The following UBTF variants were observed in gnomAD, a reference collection of about 807,000 sequenced individuals.
The protein encoded by UBTF is upstream binding transcription factor.
A neutral mutation model predicts 112.3 loss-of-function variants in UBTF; 8 were observed. That is an observed-to-expected ratio of 0.07 (90% CI 0.04 to 0.13). The LOEUF (loss-of-function observed/expected upper bound fraction) is 0.13. Ranked by LOEUF, UBTF falls within the 10% of genes least tolerant of loss-of-function variation. The probability of loss-of-function intolerance (pLI) is 1.00; values close to 1 mark genes in which losing one functional copy is unlikely to be tolerated. For synonymous variants in UBTF, 417 were observed against 373.1 expected, an observed-to-expected ratio of 1.12 and a Z score of -1.36; for missense variants, 457 against 982.1, an observed-to-expected ratio of 0.47 and a Z score of 7.15.
At chr17:44,209,840 G>T in intron 15 of UBTF, 107 bp from the exon 16 acceptor site, 1 of 1,234,154 alleles carries the variant, frequency 8.1e-7, no homozygotes, top group South Asian at 1.3e-5. Context: ...TCTGTGCCAG[G>T]GAGGAGGAGA....
At position 44,206,552 on chromosome 17, in the gene UBTF, C is replaced by G. The variant is rs926059169; in HGVS notation, c.*690G>C. On this transcript the variant is annotated 3_prime_UTR_variant, in exon 21 of 21. Transcript: ENST00000436088. ...AAAGGTTCCAAATCTACCCCTAAAC[C>G]CTCCCTCTCCCAGAAATGACAACAG... 6.7e-6 allele frequency: 1 copy of G among 149,760 alleles called. No individual in the cohort carries two copies. Among genetic ancestry groups the G allele is most frequent in the African/African-American group, 2.5e-5 (1 of 40,168 alleles). 9.3% of individuals were successfully genotyped at this position (149,760 alleles called of 1,614,324 possible). A position where few individuals can be genotyped will look rare whatever the true frequency, so the allele number is the denominator to read the frequency against.
intron 17 of UBTF, chr17:44,209,115 GC>G: frequency 3.2e-6 from 1 of 311,048 alleles, no homozygotes; most frequent in Non-Finnish European, 5.6e-6. Context: ...GTTGCAGTGA[GC>G]CGAGACTACA....
intron 7 of UBTF, among the ~76,000 whole-genome samples, 172 bp downstream of exon 7, chr17:44,212,639 ACACGCACG>A (rs965802607): frequency 6.6e-6 from 1 of 151,864 alleles, no homozygotes; most frequent in Non-Finnish European, 1.5e-5. Flanking sequence ...ACTGGCTCAT[ACACGCACG>A]CACACACGCA....
upstream of UBTF, among the ~76,000 whole-genome samples, chr17:44,219,907 C>G (rs1174286627): frequency 2.0e-5 from 3 of 151,424 alleles, no homozygotes; most frequent in South Asian, 2.1e-4. Context: ...GCCTCGCCGG[C>G]TCCGCTCCCT....
rs756119876 is a variant in UBTF, at chr17:44,211,023, C to A, written c.1203+16G>T. 1 of 1,606,678 alleles carries A rather than the reference C, an allele frequency of 6.2e-7. No individual in the cohort carries two copies. The highest frequency in any genetic ancestry group is 2.2e-5 in the East Asian group (1 of 44,836). ...TCTTGCCCACCCCCGCCTGCGCGGC[C>A]GCACCCTCTGCCCACCTTGCCCCCT... On this transcript the variant is annotated intron_variant, in intron 12 of 20. Transcript: ENST00000436088. This position sits in a 1 kb window ranked among gnomAD's most constrained non-coding sequence, Gnocchi z 4.9.
At chr17:44,207,631 G>GTC (rs778586490) in intron 19 of UBTF, 34 bp from the exon 20 acceptor site, 2 of 1,613,950 alleles carry the variant, frequency 1.2e-6, no homozygotes, top group Non-Finnish European at 8.5e-7. Flanking sequence ...GTGGTCTCTG[G>GTC]TCTCTGCCCA....
At chr17:44,208,360 C>T (rs2056413909) in intron 17 of UBTF, among the ~76,000 whole-genome samples, 1 of 152,194 alleles carries the variant, frequency 6.6e-6, no homozygotes, top group Non-Finnish European at 1.5e-5. Context: ...ATACCTTGGG[C>T]TCCCAAAGTG....
At chr17:44,219,180 C>T (rs1483018338) in intron 1 of UBTF, 1 of 151,106 alleles carries the variant, frequency 6.6e-6, no homozygotes, top group African/African-American at 2.4e-5. Flanking sequence ...GGCCCCGCCG[C>T]CCCCTCCGGC....
intron 3 of UBTF, chr17:44,216,241 T>A: frequency 1.7e-6 from 1 of 603,560 alleles, no homozygotes; most frequent in Admixed American, 3.0e-5. Context: ...TCAACCTGGT[T>A]GTCCATGCTA....
In UBTF at chr17:44,207,719, T is replaced by C; in HGVS notation, c.2005A>G (p.Thr669Ala). 1 of 1,614,182 alleles carries C rather than the reference T, an allele frequency of 6.2e-7. No homozygotes were observed. The highest frequency in any genetic ancestry group is 2.2e-5 in the East Asian group (1 of 44,886). Residue 669 changes from threonine to alanine, a missense_variant, in exon 19 of 21, where the codon ACT (threonine) becomes GCT (alanine). Physicochemically the swap from Thr to Ala is moderately conservative, Grantham distance 58. This residue lies in a region of UBTF where 139 missense variants were observed against 157.5 expected (regional missense o/e 0.88). Transcript: ENST00000436088. ...LRGPNPKSSR[T>A]TLQSKSESEE... ...CTTACCGACTTGGACTGCAGAGTAG[T>C]CCGGCTGGATTTGGGGTTTGGGCCT...
chr17:44,218,407 C>T (rs1369858277), intron 1 of UBTF, 111 bp from the exon 2 acceptor site: 2 of 642,284 alleles, frequency 3.1e-6, no homozygotes, highest in African/African-American at 1.9e-5. Context: ...GAGACTCAGC[C>T]ATGACCTTAT....
chr17:44,214,729 C>T (rs996831703), intron 5 of UBTF, among the ~76,000 whole-genome samples: 3 of 152,202 alleles, frequency 2.0e-5, no homozygotes, highest in Admixed American at 1.3e-4. Flanking sequence ...CTACTCATAG[C>T]ATGGCAGCGG....
At position 44,210,395 on chromosome 17, in the gene UBTF, T is replaced by A; in HGVS notation, c.1438A>T (p.Lys480Ter). The A allele has an allele frequency of 6.2e-7, 1 of 1,614,170 alleles. No individual in the cohort carries two copies. The highest frequency in any genetic ancestry group is 8.5e-7 in the Non-Finnish European group (1 of 1,180,018). The change falls in exon 14 of 21, where the codon AAG becomes TAG. Residue 480 changes from lysine to a stop codon, truncating the protein, a stop_gained. Transcript: ENST00000436088. LOFTEE classifies it high-confidence loss of function. ...GCTCTTTTGGGGGACTCGGGCAGCT[T>A]GCCCCGTTCCTCGCGCTCCCCGCCG... ...KPGGEREERG[K>*]LPESPKRAEE...
intron 15 of UBTF, 135 bp from the exon 16 acceptor site, chr17:44,209,868 C>T: frequency 2.1e-6 from 2 of 964,164 alleles, no homozygotes; most frequent in Non-Finnish European, 3.1e-6. Flanking sequence ...AGCTAGTGAG[C>T]AACTTCCTAA....
In UBTF at chr17:44,213,284, T is replaced by TG. The variant is rs753096746; in HGVS notation, c.475-3dup. 2 of 1,613,166 alleles carry TG rather than the reference T, an allele frequency of 1.2e-6. No homozygotes were observed. Among genetic ancestry groups the TG allele is most frequent in the Admixed American group, 1.7e-5 (1 of 59,942 alleles). ...CTGGAAGTCCTGAATATATTTCATCTGGGGGGAGGAGGGGATGGGGTCACT... is the reference window on the plus strand; with the variant it reads ...CTGGAAGTCCTGAATATATTTCATCTGGGGGGGAGGAGGGGATGGGGTCACT... On this transcript the variant is annotated splice_polypyrimidine_tract_variant and splice_region_variant and intron_variant, in intron 5 of 20. Coordinates refer to ENST00000436088, the MANE Select transcript of UBTF (RefSeq NM_014233.4).
Position 44,211,766 on chromosome 17 carries a change from G to A in UBTF, c.906-19C>T, listed in dbSNP as rs144206403. 6.5e-4 allele frequency: 1,048 copies of A among 1,602,774 alleles called. 8 individuals carry two copies. In the African/African-American group the frequency reaches 0.013, roughly 19 times the overall value. On this transcript the variant is annotated intron_variant, in intron 9 of 20. Coordinates refer to ENST00000436088, the MANE Select transcript of UBTF (RefSeq NM_014233.4). This position sits in a 1 kb window ranked among gnomAD's most constrained non-coding sequence, Gnocchi z 4.9. ...GCTGTTCCTATCAGAGCCGCGGGGAGAGAGGTGCAGCCCGTAAGCGAGCAG... is the reference window on the plus strand; with the variant it reads ...GCTGTTCCTATCAGAGCCGCGGGGAAAGAGGTGCAGCCCGTAAGCGAGCAG...
intron 3 of UBTF, 113 bp downstream of exon 3, chr17:44,216,416 A>C: frequency 2.3e-6 from 3 of 1,277,642 alleles, no homozygotes; most frequent in South Asian, 2.7e-5. Flanking sequence ...CTAACGGGAG[A>C]CCACATGAAT....
At position 44,211,330 on chromosome 17, in the gene UBTF, T is replaced by C. The variant is rs773327581; in HGVS notation, c.1049A>G (p.Lys350Arg). Reference sequence around the variant, plus strand: ...CAGCTCCACCTCGTAATCTTTCTTTTTCTGGGAAAGTGAGTGGAGTCAGGA... The same window carrying C: ...CAGCTCCACCTCGTAATCTTTCTTTCTCTGGGAAAGTGAGTGGAGTCAGGA... ...KDAYHKKCDQ[K>R]KKDYEVELLR... is the part of the protein sequence containing the mutation. The change falls in exon 11 of 21, where the codon AAA (lysine) becomes AGA (arginine). Residue 350 changes from lysine to arginine, a missense_variant and splice_region_variant. Physicochemically the swap from Lys to Arg is conservative, Grantham distance 26. Transcript: ENST00000436088. This position sits in a 1 kb window ranked among gnomAD's most constrained non-coding sequence, Gnocchi z 4.9. The C allele has an allele frequency of 6.2e-7, 1 of 1,614,138 alleles. No homozygotes were observed. The highest frequency in any genetic ancestry group is 8.5e-7 in the Non-Finnish European group (1 of 1,180,014).
intron 13 of UBTF, 34 bp downstream of exon 13, chr17:44,210,758 C>A: frequency 3.2e-6 from 5 of 1,551,980 alleles, no homozygotes; most frequent in Non-Finnish European, 4.4e-6. Context: ...TGGCAGCCCC[C>A]CTGGGGGCAC....
Sources: gnomAD v4.1 joint callset for allele counts (sites outside exome capture counted in the v4.1 genomes callset) on GRCh38, gnomAD v4.1.1 for gene constraint, gnomAD v4.1.1 regional missense constraint, Gnocchi (gnomAD v3.1) non-coding constraint, MANE v1.5 for transcripts, NCBI Gene and HGNC (gene_info 2026-07-23, HGNC 2026-07-21) for gene names.